DACH1: variants seen among roughly 807,000 people sequenced by gnomAD.
DACH1 encodes the protein dachshund homolog 1.
A neutral mutation model predicts 54.2 loss-of-function variants in DACH1; 12 were observed. That is an observed-to-expected ratio of 0.22 (90% CI 0.14 to 0.36). DACH1 has a LOEUF of 0.36. DACH1 is among the 10% of genes least tolerant of loss of function. The pLI, the probability that DACH1 is intolerant of heterozygous loss-of-function variation, is 1.00. For missense variants in DACH1, 805 were observed against 929.8 expected, an observed-to-expected ratio of 0.87 and a Z score of 1.75; for synonymous variants, 386 against 366.2, an observed-to-expected ratio of 1.05 and a Z score of -0.62.
intron 6 of DACH1, among the ~76,000 whole-genome samples, chr13:71,499,122 C>G (rs564508322): frequency 3.6e-5 from 3 of 84,386 alleles, no homozygotes. Flanking sequence ...CACACACACA[C>G]ACACACACAC....
intron 3 of DACH1, among the ~76,000 whole-genome samples, chr13:71,609,472 C>T (rs574127657): frequency 6.6e-6 from 1 of 152,118 alleles, no homozygotes; most frequent in African/African-American, 2.4e-5. Context: ...ATGAATCAGA[C>T]TTATGAAATA....
chr13:71,814,805 C>A (rs1469378542), intron 1 of DACH1, among the ~76,000 whole-genome samples: 1 of 152,176 alleles, frequency 6.6e-6, no homozygotes, highest in East Asian at 1.9e-4. Flanking sequence ...TCTTTAAATT[C>A]TGAAGAAAGA....
At chr13:71,841,870 TACTA>T (rs1872876256) in intron 1 of DACH1, among the ~76,000 whole-genome samples, 1 of 152,330 alleles carries the variant, frequency 6.6e-6, no homozygotes, top group Non-Finnish European at 1.5e-5. Context: ...ATTGAATTCC[TACTA>T]ACTTCTACAT....
At chr13:71,603,344 G>GT (rs1874642435) in intron 3 of DACH1, among the ~76,000 whole-genome samples, 1 of 151,950 alleles carries the variant, frequency 6.6e-6, no homozygotes. Context: ...TAAAGTCACT[G>GT]TAAGAGGGCA....
chr13:71,543,230 A>C (rs961147304), intron 6 of DACH1, among the ~76,000 whole-genome samples: 6 of 152,112 alleles, frequency 3.9e-5, no homozygotes, highest in Non-Finnish European at 1.5e-5. Flanking sequence ...CAAAAGGAAA[A>C]TGTAATTGCA....
chr13:71,479,442 G>C, intron 7 of DACH1, 126 bp from the exon 8 acceptor site: 1 of 824,220 alleles, frequency 1.2e-6, no homozygotes, highest in Non-Finnish European at 1.9e-6. Flanking sequence ...CATTCACTCT[G>C]CACTCACTAG....
chr13:71,703,175 T>C (rs2138755575), intron 1 of DACH1, among the ~76,000 whole-genome samples: 1 of 152,330 alleles, frequency 6.6e-6, no homozygotes, highest in African/African-American at 2.4e-5. Context: ...TGCCATGTAT[T>C]ATTCACAATT....
chr13:71,774,796 A>G (rs1251447976), intron 1 of DACH1, among the ~76,000 whole-genome samples: 1 of 152,160 alleles, frequency 6.6e-6, no homozygotes. Flanking sequence ...TCAGAAAACC[A>G]TAAGGCATTA....
intron 10 of DACH1, among the ~76,000 whole-genome samples, chr13:71,455,135 T>C (rs762347271): frequency 1.3e-5 from 2 of 152,172 alleles, no homozygotes; most frequent in African/African-American, 2.4e-5. Flanking sequence ...TCCCAGAACA[T>C]TTATTGTTCT....
chr13:71,520,389 A>G (rs1881510169), intron 6 of DACH1, among the ~76,000 whole-genome samples: 1 of 151,840 alleles, frequency 6.6e-6, no homozygotes, highest in Admixed American at 6.6e-5. Context: ...GATTAAATAT[A>G]GAATAAATTG....
At chr13:71,767,927 G>A (rs1342035812) in intron 1 of DACH1, among the ~76,000 whole-genome samples, 1 of 151,820 alleles carries the variant, frequency 6.6e-6, no homozygotes, top group Non-Finnish European at 1.5e-5. Context: ...TAGCAATGAA[G>A]CAATATTTTA....
intron 3 of DACH1, among the ~76,000 whole-genome samples, chr13:71,592,167 G>T (rs1456657561): frequency 2.0e-5 from 3 of 152,070 alleles, no homozygotes; most frequent in Non-Finnish European, 4.4e-5. Flanking sequence ...CAAAGCACCT[G>T]CTATATAAAT....
At chr13:71,706,067 T>C (rs1452137901) in intron 1 of DACH1, among the ~76,000 whole-genome samples, 1 of 152,020 alleles carries the variant, frequency 6.6e-6, no homozygotes, top group African/African-American at 2.4e-5. Context: ...ATTCTCTACC[T>C]TTACCACCAG....
intron 1 of DACH1, among the ~76,000 whole-genome samples, chr13:71,778,558 A>T (rs1886170443): frequency 6.6e-6 from 1 of 152,028 alleles, no homozygotes; most frequent in Admixed American, 6.5e-5. Context: ...TAGTAAAAAA[A>T]TCTTAATTTT....
rs1222690071 is a variant in DACH1, at chr13:71,867,081, G to A, written c.-312C>T. ...TTTGGGGGTGGGGGTGGGGCGGGGA[G>A]GGTCGGCTGTTGTTGTGTGGGTCTC... On this transcript the variant is annotated 5_prime_UTR_variant, in exon 1 of 11. Transcript: ENST00000613252. The A allele has an allele frequency of 4.4e-6, 1 of 229,688 alleles. No individual in the cohort carries two copies. 14.2% of individuals were successfully genotyped at this position (229,688 alleles called of 1,614,324 possible). A position where few individuals can be genotyped will look rare whatever the true frequency, so the allele number is the denominator to read the frequency against.
At chr13:71,637,971 A>C (rs1877611247) in intron 2 of DACH1, among the ~76,000 whole-genome samples, 1 of 152,162 alleles carries the variant, frequency 6.6e-6, no homozygotes, top group Non-Finnish European at 1.5e-5. Flanking sequence ...GATGACTTCC[A>C]AATGTTTGAT....
intron 2 of DACH1, among the ~76,000 whole-genome samples, chr13:71,662,601 G>T (rs1566414992): frequency 1.3e-5 from 2 of 151,936 alleles, no homozygotes; most frequent in African/African-American, 2.4e-5. Flanking sequence ...ATACTCTAAT[G>T]ATCTAAAAAT....
chr13:71,613,094 A>G (rs1875457738), intron 3 of DACH1, among the ~76,000 whole-genome samples: 1 of 152,230 alleles, frequency 6.6e-6, no homozygotes, highest in Admixed American at 6.5e-5. Flanking sequence ...GTGATATAGG[A>G]TGGAGCAGAC....
chr13:71,470,993 A>G (rs1429496217), intron 10 of DACH1, among the ~76,000 whole-genome samples: 1 of 152,180 alleles, frequency 6.6e-6, no homozygotes, highest in Non-Finnish European at 1.5e-5. Flanking sequence ...GAGTTGCCAC[A>G]GCGGGAGAGT....
Sources: gnomAD v4.1 joint callset for allele counts (sites outside exome capture counted in the v4.1 genomes callset) on GRCh38, gnomAD v4.1.1 for gene constraint, MANE v1.5 for transcripts, NCBI Gene and HGNC (gene_info 2026-07-23, HGNC 2026-07-21) for gene names.